MGLL: variants seen among roughly 807,000 people sequenced by gnomAD.
MGLL encodes lysophospholipase homolog.
A neutral mutation model predicts 29.1 loss-of-function variants in MGLL; 7 were observed. That is an observed-to-expected ratio of 0.24 (90% CI 0.14 to 0.45). MGLL has a LOEUF of 0.45. Ranked by LOEUF, MGLL falls within the 20% of genes least tolerant of loss-of-function variation. MGLL has a pLI of 0.99. For synonymous variants in MGLL, 148 were observed against 168.3 expected (o/e 0.88, Z 0.93); for missense variants, 356 against 413.6 (o/e 0.86, Z 1.21).
chr3:127,747,153 T>C (rs989107184), intron 3 of MGLL, among the ~76,000 whole-genome samples: 1 of 152,146 alleles, frequency 6.6e-6, no homozygotes. Flanking sequence ...TGCTCTTTGA[T>C]GGGCTGTTGG....
chr3:127,750,018 G>A (rs1262217142), intron 3 of MGLL, among the ~76,000 whole-genome samples: 3 of 152,086 alleles, frequency 2.0e-5, no homozygotes, highest in East Asian at 1.9e-4. Flanking sequence ...GCCAGGTCAC[G>A]GGGGCCTTGT....
In MGLL at chr3:127,821,805, C is replaced by A. The variant is rs185211194; in HGVS notation, c.44G>T (p.Ser15Ile). ...PEDPSSMPEESSPRRTPQSIP... is the reference protein window; with the variant it reads ...PEDPSSMPEEISPRRTPQSIP... Reference sequence around the variant, plus strand: ...GCTCTGCGGGGTCCGCCTGGGGGAACTTTCCTCTGGCATGCTGGAAGGGTC... The same window carrying A: ...GCTCTGCGGGGTCCGCCTGGGGGAAATTTCCTCTGGCATGCTGGAAGGGTC... The change falls in exon 2 of 8, where the codon AGT (serine) becomes ATT (isoleucine). Residue 15 changes from serine (S) to isoleucine (I), a missense_variant. Ser to Ile is a moderately radical substitution (Grantham distance 142). Transcript: ENST00000265052. The A allele has an allele frequency of 1.2e-5, 20 of 1,614,008 alleles. No homozygotes were observed. The highest frequency in any genetic ancestry group is 2.7e-5 in the African/African-American group (2 of 74,918).
chr3:127,702,438 G>A (rs1038754654), intron 6 of MGLL, among the ~76,000 whole-genome samples: 1 of 152,144 alleles, frequency 6.6e-6, no homozygotes, highest in Non-Finnish European at 1.5e-5. Flanking sequence ...ACCCTGCCTT[G>A]GGCCAGCCCC....
chr3:127,774,036 C>A (rs1259377297), intron 3 of MGLL, among the ~76,000 whole-genome samples: 1 of 152,222 alleles, frequency 6.6e-6, no homozygotes, highest in Non-Finnish European at 1.5e-5. Context: ...TCACAGTATA[C>A]TGCTCCCCTG....
At chr3:127,745,932 C>T (rs2076433210) in intron 3 of MGLL, among the ~76,000 whole-genome samples, 1 of 152,152 alleles carries the variant, frequency 6.6e-6, no homozygotes. Flanking sequence ...ACAAGACTGG[C>T]GCTGGAACTT....
intron 7 of MGLL, among the ~76,000 whole-genome samples, chr3:127,693,748 C>T (rs540991468): frequency 5.9e-5 from 9 of 152,202 alleles, no homozygotes; most frequent in South Asian, 4.2e-4. Context: ...ATACAGGTTC[C>T]GGGGGGGCAG....
chr3:127,729,833 C>T (rs1206848581), intron 3 of MGLL, among the ~76,000 whole-genome samples: 1 of 152,198 alleles, frequency 6.6e-6, no homozygotes, highest in Non-Finnish European at 1.5e-5. Flanking sequence ...GGTCACTCTG[C>T]GAGCTCTCCC....
intron 3 of MGLL, 69 bp downstream of exon 3, chr3:127,781,720 T>C: frequency 7.6e-7 from 1 of 1,323,842 alleles, no homozygotes; most frequent in Non-Finnish European, 1.1e-6. Flanking sequence ...GGCAGTGAGA[T>C]GGACTAGAGA....
rs1040573974 is a variant in MGLL at position 127,761,501 on chromosome 3, C to T, written c.262+20288G>A. The stretch of plus-strand genomic sequence containing the variant: ...CACTCAGAGACAGCAGTCAAAGAGG[C>T]CACTTCTGCACTGCCTGGACCAGAG... On this transcript the variant is annotated intron_variant, in intron 3 of 7. Coordinates refer to ENST00000265052, the MANE Select transcript of MGLL (RefSeq NM_007283.7). The surrounding 1 kb of genome is among the most constrained non-coding windows in gnomAD (Gnocchi z 4.6). 3.3e-5 allele frequency among the ~76,000 whole-genome samples: 5 copies of T among 152,252 alleles called. No homozygotes were observed. Among genetic ancestry groups the T allele is most frequent in the Admixed American group, 6.5e-5 (1 of 15,288 alleles).
At chr3:127,778,344 C>G (rs2077069705) in intron 3 of MGLL, among the ~76,000 whole-genome samples, 1 of 152,242 alleles carries the variant, frequency 6.6e-6, no homozygotes, top group Non-Finnish European at 1.5e-5. Context: ...GGACAAGAAC[C>G]CCCTAACTCC....
intron 3 of MGLL, among the ~76,000 whole-genome samples, chr3:127,755,205 TCTC>T (rs2076641586): frequency 6.6e-6 from 1 of 152,126 alleles, no homozygotes; most frequent in South Asian, 2.1e-4. Flanking sequence ...TGATTTCACT[TCTC>T]ATTAGCCACT....
In MGLL at chr3:127,692,106, TTTTTTTTTTG is replaced by T. The variant is rs2075257124; in HGVS notation, c.*82_*91del. The T allele has an allele frequency of 5.5e-5, 51 of 919,808 alleles. No homozygotes were observed. The highest frequency in any genetic ancestry group is 3.8e-4 in the South Asian group (20 of 52,644). 57.0% of individuals were successfully genotyped at this position (919,808 alleles called of 1,614,324 possible). ...TCTCCAATTTCTGATTTTTTTTTTTTTTTTTTTTTGGCAAGCCATATCTGAGAAGCCATCT... is the reference window on the plus strand; with the variant it reads ...TCTCCAATTTCTGATTTTTTTTTTTTGCAAGCCATATCTGAGAAGCCATCT... On this transcript the variant is annotated 3_prime_UTR_variant, in exon 8 of 8. Coordinates refer to ENST00000265052, the MANE Select transcript of MGLL (RefSeq NM_007283.7).
At chr3:127,715,572 G>A (rs1453850355) in intron 5 of MGLL, 8 of 402,762 alleles carry the variant, frequency 2.0e-5, no homozygotes, top group African/African-American at 4.1e-5. Flanking sequence ...TTGATTTCAT[G>A]AGCCTAATCT....
At chr3:127,705,075 C>T (rs566364439) in intron 6 of MGLL, among the ~76,000 whole-genome samples, 31 of 152,246 alleles carry the variant, frequency 2.0e-4, no homozygotes, top group African/African-American at 6.7e-4. Context: ...TTTGCAGGGA[C>T]GTGGGTGAAG....
At chr3:127,795,667 T>C (rs997577787) in intron 2 of MGLL, among the ~76,000 whole-genome samples, 1 of 151,972 alleles carries the variant, frequency 6.6e-6, no homozygotes, top group Non-Finnish European at 1.5e-5. Context: ...AAAAATTACA[T>C]TGAGGAGGAG....
At chr3:127,757,754 C>T (rs757247738) in intron 3 of MGLL, among the ~76,000 whole-genome samples, 34 of 152,126 alleles carry the variant, frequency 2.2e-4, no homozygotes, top group Non-Finnish European at 4.6e-4. Context: ...GTTTCTTGAC[C>T]CCAACCTGGG....
At chr3:127,750,872 T>C (rs1407148175) in intron 3 of MGLL, among the ~76,000 whole-genome samples, 1 of 152,192 alleles carries the variant, frequency 6.6e-6, no homozygotes, top group African/African-American at 2.4e-5. Flanking sequence ...CAGCCCACAG[T>C]CATATCTGCT....
intron 2 of MGLL, among the ~76,000 whole-genome samples, chr3:127,818,250 A>C (rs2077793771): frequency 6.6e-6 from 1 of 152,226 alleles, no homozygotes. Context: ...GGCGTGAGCC[A>C]CTGCACCCGG....
chr3:127,754,485 G>A (rs531922845), intron 3 of MGLL, among the ~76,000 whole-genome samples: 3 of 152,286 alleles, frequency 2.0e-5, no homozygotes, highest in South Asian at 2.1e-4. Flanking sequence ...ACCCCTCACC[G>A]GCGTTAACTG....
Sources: allele counts gnomAD v4.1 joint callset (sites outside exome capture counted in the v4.1 genomes callset), GRCh38; gene constraint gnomAD v4.1.1; non-coding constraint Gnocchi (gnomAD v3.1); transcripts MANE v1.5; gene names NCBI Gene and HGNC (gene_info 2026-07-23, HGNC 2026-07-21).